Variants in COMMD10 observed in about 807,000 individuals in gnomAD.
The protein encoded by COMMD10 is COMM domain-containing protein 10.
COMMD10 carries 33 observed loss-of-function variants against 28.9 expected under a neutral mutation model. The observed-to-expected ratio is 1.14, with a 90% CI of 0.87 to 1.53. The LOEUF is 1.53. Ranked by LOEUF, COMMD10 falls within the 40% of genes most tolerant of loss-of-function variation. The probability of loss-of-function intolerance (pLI) is 0.00; values close to 1 mark genes in which losing one functional copy is unlikely to be tolerated. For synonymous variants in COMMD10, 110 were observed against 81.7 expected (o/e 1.35, Z -1.87); for missense variants, 310 against 233.4 (o/e 1.33, Z -2.14).
intron 5 of COMMD10, among the ~76,000 whole-genome samples, chr5:116,277,561 CTA>C (rs1451462060): frequency 1.3e-5 from 2 of 151,838 alleles, no homozygotes; most frequent in Non-Finnish European, 2.9e-5. Context: ...AGCATGTTTC[CTA>C]TTATTATGCT....
chr5:116,274,060 T>A (rs1750834686), intron 5 of COMMD10, among the ~76,000 whole-genome samples: 1 of 151,742 alleles, frequency 6.6e-6, no homozygotes, highest in Non-Finnish European at 1.5e-5. Flanking sequence ...CCTCTGCAAC[T>A]GTCACCAACC....
intron 5 of COMMD10, among the ~76,000 whole-genome samples, chr5:116,219,821 T>C (rs1749199154): frequency 6.6e-6 from 1 of 152,244 alleles, no homozygotes; most frequent in African/African-American, 2.4e-5. Context: ...AATCATATGA[T>C]GTTTGCTTTC....
At chr5:116,162,035 G>T (rs796648555) in intron 5 of COMMD10, among the ~76,000 whole-genome samples, 1 of 151,744 alleles carries the variant, frequency 6.6e-6, no homozygotes, top group Admixed American at 6.6e-5. Flanking sequence ...GGTTATTTTC[G>T]CCACTTTTTG....
At chr5:116,221,016 C>G (rs949305363) in intron 5 of COMMD10, among the ~76,000 whole-genome samples, 3 of 151,916 alleles carry the variant, frequency 2.0e-5, no homozygotes, top group Non-Finnish European at 4.4e-5. Context: ...TTATAATTCT[C>G]CTTAACTGCT....
chr5:116,227,244 CCTT>C (rs1228787837), intron 5 of COMMD10, among the ~76,000 whole-genome samples: 2 of 151,940 alleles, frequency 1.3e-5, no homozygotes, highest in Non-Finnish European at 1.5e-5. Flanking sequence ...GAAATAAGGG[CCTT>C]GTTTTCTCGT....
Position 116,293,026 on chromosome 5 carries a change from G to A in COMMD10, c.*537G>A, listed in dbSNP as rs1751413152. 5.0e-6 allele frequency: 2 copies of A among 397,400 alleles called. No homozygotes were observed. The highest frequency in any genetic ancestry group is 2.1e-5 in the African/African-American group (1 of 48,706). 24.6% of individuals were successfully genotyped at this position (397,400 alleles called of 1,614,324 possible). A position where few individuals can be genotyped will look rare whatever the true frequency, so the allele number is the denominator to read the frequency against. On this transcript the variant is annotated 3_prime_UTR_variant, in exon 7 of 7. Transcript: ENST00000274458. ...TAAAATAGTGAGTAGTATGGTATCA[G>A]TTAATTCCAGTCTGAGCTTCTCTGT... is the stretch of plus-strand genomic sequence containing the variant.
intron 5 of COMMD10, among the ~76,000 whole-genome samples, chr5:116,161,019 A>T (rs974316875): frequency 2.0e-5 from 3 of 152,164 alleles, no homozygotes; most frequent in Non-Finnish European, 2.9e-5. Context: ...GGTAAATAGT[A>T]GGGCTTTGAA....
At chr5:116,134,237 A>G in intron 5 of COMMD10, 59 bp downstream of exon 5, 1 of 933,804 alleles carries the variant, frequency 1.1e-6, no homozygotes, top group Non-Finnish European at 1.7e-6. Context: ...TAAACTTTTT[A>G]TTCTTAGCAG....
At chr5:116,117,952 A>G (rs1408623545) in intron 4 of COMMD10, among the ~76,000 whole-genome samples, 1 of 152,066 alleles carries the variant, frequency 6.6e-6, no homozygotes, top group Non-Finnish European at 1.5e-5. Flanking sequence ...CTCCATTTCC[A>G]TTTTAGGGTT....
chr5:116,098,960 T>C (rs990147889), intron 4 of COMMD10, among the ~76,000 whole-genome samples: 4 of 152,216 alleles, frequency 2.6e-5, no homozygotes, highest in African/African-American at 7.2e-5. Context: ...CCACCTTTTA[T>C]GTGTGGGTGA....
At chr5:116,120,403 C>T (rs867171155) in intron 4 of COMMD10, among the ~76,000 whole-genome samples, 1 of 152,046 alleles carries the variant, frequency 6.6e-6, no homozygotes, top group Non-Finnish European at 1.5e-5. Flanking sequence ...GTACAGTGTA[C>T]ACTGCTTCGG....
chr5:116,150,797 C>T (rs1462431035), intron 5 of COMMD10, among the ~76,000 whole-genome samples: 2 of 121,934 alleles, frequency 1.6e-5, no homozygotes, highest in African/African-American at 5.9e-5. Context: ...ATCATGTCAT[C>T]TGCAAACAGG....
intron 5 of COMMD10, among the ~76,000 whole-genome samples, chr5:116,212,633 C>T (rs1011781368): frequency 6.6e-6 from 1 of 151,754 alleles, no homozygotes; most frequent in African/African-American, 2.4e-5. Flanking sequence ...AAGCTGTATA[C>T]TATTTAATGA....
At chr5:116,103,671 C>A (rs1750738817) in intron 4 of COMMD10, among the ~76,000 whole-genome samples, 1 of 152,156 alleles carries the variant, frequency 6.6e-6, no homozygotes, top group East Asian at 1.9e-4. Flanking sequence ...TTAATTAGAT[C>A]CCATTTGTCC....
At chr5:116,193,846 C>G (rs141435077) in intron 5 of COMMD10, among the ~76,000 whole-genome samples, 1,907 of 152,190 alleles carry the variant, frequency 0.013, 52 homozygotes, top group African/African-American at 0.044. Flanking sequence ...TTTTATCCAA[C>G]AACCACAGAA....
chr5:116,098,104 C>A (rs1464601085), intron 4 of COMMD10, among the ~76,000 whole-genome samples: 1 of 152,156 alleles, frequency 6.6e-6, no homozygotes, highest in Non-Finnish European at 1.5e-5. Context: ...CATGATGAAA[C>A]TGAAATGAGG....
At chr5:116,137,370 A>G (rs1752053197) in intron 5 of COMMD10, among the ~76,000 whole-genome samples, 1 of 152,070 alleles carries the variant, frequency 6.6e-6, no homozygotes. Flanking sequence ...TTTTACAAAA[A>G]GGGAGATTAA....
intron 5 of COMMD10, among the ~76,000 whole-genome samples, chr5:116,151,786 G>A (rs113301731): frequency 0.31 from 47,690 of 151,810 alleles, 10,366 homozygotes; most frequent in African/African-American, 0.62. Context: ...TATCAATTTT[G>A]TTGATCCTTT....
intron 5 of COMMD10, among the ~76,000 whole-genome samples, chr5:116,266,538 A>G (rs1343979136): frequency 6.6e-6 from 1 of 151,860 alleles, no homozygotes; most frequent in East Asian, 1.9e-4. Flanking sequence ...CCTACTTTCT[A>G]CAGGAACTAC....
Sources: allele counts gnomAD v4.1 joint callset (sites outside exome capture counted in the v4.1 genomes callset), GRCh38; gene constraint gnomAD v4.1.1; transcripts MANE v1.5; gene names NCBI Gene and HGNC (gene_info 2026-07-23, HGNC 2026-07-21).